SLC6A15: variants seen among roughly 807,000 people sequenced by gnomAD.
The protein encoded by SLC6A15 is solute carrier family 6 member 15, also known as sodium-dependent neutral amino acid transporter B(0)AT2.
A neutral mutation model predicts 68.5 loss-of-function variants in SLC6A15; 33 were observed. The ratio of observed to expected loss-of-function variants is 0.48; its 90% CI spans 0.37 to 0.64. The LOEUF (loss-of-function observed/expected upper bound fraction) is 0.64, where lower values mean the gene tolerates loss of function less well. Among genes scored for constraint, SLC6A15 ranks in the 30% least tolerant of loss-of-function variants. The pLI, the probability that SLC6A15 is intolerant of heterozygous loss-of-function variation, is 0.00. For missense variants in SLC6A15, 747 were observed against 874.3 expected (o/e 0.85, Z 1.84); for synonymous variants, 347 against 301.0 (o/e 1.15, Z -1.58).
At chr12:84,866,932 C>A in intron 10 of SLC6A15, 102 bp downstream of exon 10, 1 of 1,025,976 alleles carries the variant, frequency 9.7e-7, no homozygotes, top group Non-Finnish European at 1.4e-6. Context: ...AAGAATTGTT[C>A]CCTCTATTCA....
chr12:84,865,331 A>C lies in SLC6A15; in HGVS notation c.1655+1703T>G, dbSNP rs115830601. Among the ~76,000 whole-genome samples the C allele has an allele frequency of 4.5e-3, 681 of 152,288 alleles. 2 individuals are homozygous for C. The highest frequency in any genetic ancestry group is 0.016 in the African/African-American group (651 of 41,560). ...AAGAGCAATTTTAGGTTCACAGCAA[A>C]ATTGAGCTGAAAGTAGAGAGATTTC... On this transcript the variant is annotated intron_variant, in intron 10 of 11. Coordinates refer to ENST00000266682, the MANE Select transcript of SLC6A15 (RefSeq NM_182767.6).
intron 5 of SLC6A15, among the ~76,000 whole-genome samples, chr12:84,879,942 T>C (rs887932996): frequency 1.3e-5 from 2 of 152,186 alleles, no homozygotes; most frequent in Non-Finnish European, 2.9e-5. Flanking sequence ...ATTCCTAAAA[T>C]TGCAAGCTTA....
intron 8 of SLC6A15, among the ~76,000 whole-genome samples, chr12:84,872,236 A>T (rs1276491399): frequency 6.6e-6 from 1 of 152,144 alleles, no homozygotes; most frequent in Non-Finnish European, 1.5e-5. Context: ...TTCATGCATC[A>T]AAGCAATCAT....
At chr12:84,862,646 A>T (rs760957488) in intron 11 of SLC6A15, among the ~76,000 whole-genome samples, 3 of 152,190 alleles carry the variant, frequency 2.0e-5, no homozygotes, top group Non-Finnish European at 4.4e-5. Flanking sequence ...TCAGCTTGAG[A>T]ATAGAAATTG....
intron 5 of SLC6A15, among the ~76,000 whole-genome samples, chr12:84,878,624 A>G (rs1871669755): frequency 6.6e-6 from 1 of 152,076 alleles, no homozygotes; most frequent in Non-Finnish European, 1.5e-5. Context: ...TTTATCTAAT[A>G]AAATATGCTT....
intron 2 of SLC6A15, among the ~76,000 whole-genome samples, chr12:84,890,652 C>T (rs1288536816): frequency 6.6e-6 from 1 of 152,104 alleles, no homozygotes; most frequent in Non-Finnish European, 1.5e-5. Flanking sequence ...TTGTTTTGTG[C>T]CTGTTTGAAT....
chr12:84,897,665 A>G (rs1208762840), intron 1 of SLC6A15, among the ~76,000 whole-genome samples: 5 of 152,168 alleles, frequency 3.3e-5, no homozygotes, highest in Admixed American at 3.3e-4. Flanking sequence ...ACTAAGAGAA[A>G]AATATATGAT....
intron 1 of SLC6A15, among the ~76,000 whole-genome samples, chr12:84,910,928 C>CTCTCTCTCTCTCTCTCTCT (rs1873408667): frequency 7.0e-6 from 1 of 143,452 alleles, no homozygotes; most frequent in African/African-American, 2.8e-5. Context: ...GCCCTCTTTC[C>CTCTCTCTCTCTCTCTCTCT]GTGTGTGTGT....
chr12:84,905,146 T>A (rs189632093), intron 1 of SLC6A15, among the ~76,000 whole-genome samples: 1 of 152,162 alleles, frequency 6.6e-6, no homozygotes, highest in East Asian at 1.9e-4. Flanking sequence ...TCCTAATGAA[T>A]ATAGACACAA....
intron 1 of SLC6A15, among the ~76,000 whole-genome samples, chr12:84,910,421 G>T (rs1487374027): frequency 6.6e-6 from 1 of 151,886 alleles, no homozygotes; most frequent in Non-Finnish European, 1.5e-5. Context: ...CATAGAAAAG[G>T]CAACAACACA....
intron 2 of SLC6A15, among the ~76,000 whole-genome samples, chr12:84,889,956 T>A (rs76561321): frequency 0.01 from 1,564 of 152,298 alleles, 54 homozygotes; most frequent in East Asian, 0.041. Context: ...ATTACCTTTT[T>A]TTTCTATTAC....
chr12:84,910,588 G>T (rs745435605), intron 1 of SLC6A15, among the ~76,000 whole-genome samples: 1 of 152,174 alleles, frequency 6.6e-6, no homozygotes, highest in Non-Finnish European at 1.5e-5. Context: ...AGGGGTTCGA[G>T]CTGTGAGAAA....
intron 1 of SLC6A15, among the ~76,000 whole-genome samples, chr12:84,897,188 G>C (rs1872669429): frequency 2.0e-5 from 3 of 152,052 alleles, no homozygotes; most frequent in Admixed American, 2.0e-4. Context: ...GACGGAGCAA[G>C]ACCGTGTCTC....
chr12:84,873,999 T>C (rs1404880046), intron 6 of SLC6A15, among the ~76,000 whole-genome samples: 1 of 152,236 alleles, frequency 6.6e-6, no homozygotes, highest in Non-Finnish European at 1.5e-5. Context: ...TAGATAATTA[T>C]CACTGTATAT....
chr12:84,862,863 C>T (rs1870909483), intron 11 of SLC6A15, among the ~76,000 whole-genome samples: 1 of 152,086 alleles, frequency 6.6e-6, no homozygotes, highest in South Asian at 2.1e-4. Context: ...AATCATAACT[C>T]ACTTTAACCT....
chr12:84,887,270 T>G (rs903662259), intron 2 of SLC6A15, among the ~76,000 whole-genome samples: 1 of 152,256 alleles, frequency 6.6e-6, no homozygotes, highest in Non-Finnish European at 1.5e-5. Context: ...ATCATATGTT[T>G]AATGGCACTG....
At chr12:84,865,769 C>G (rs1871037811) in intron 10 of SLC6A15, among the ~76,000 whole-genome samples, 1 of 152,142 alleles carries the variant, frequency 6.6e-6, no homozygotes, top group African/African-American at 2.4e-5. Context: ...AAAATTTCCT[C>G]TGTGTCTTTT....
At chr12:84,877,084 C>T (rs996054824) in intron 5 of SLC6A15, among the ~76,000 whole-genome samples, 3 of 152,178 alleles carry the variant, frequency 2.0e-5, no homozygotes, top group African/African-American at 7.2e-5. Flanking sequence ...AACAATCAAA[C>T]GTGTAAAGAT....
At chr12:84,901,798 C>T (rs2120720564) in intron 1 of SLC6A15, among the ~76,000 whole-genome samples, 1 of 151,608 alleles carries the variant, frequency 6.6e-6, no homozygotes, top group South Asian at 2.1e-4. Context: ...TAAATTATCT[C>T]CCTGTCTTTG....
Sources: gnomAD v4.1 joint callset for allele counts (sites outside exome capture counted in the v4.1 genomes callset) on GRCh38, gnomAD v4.1.1 for gene constraint, MANE v1.5 for transcripts, NCBI Gene and HGNC (gene_info 2026-07-23, HGNC 2026-07-21) for gene names.